Variants in ADGRB1 observed in about 807,000 individuals in gnomAD.
ADGRB1 encodes the protein adhesion G protein-coupled receptor B1, also known as brain-specific angiogenesis inhibitor 1.
Under a neutral mutation model 175.7 loss-of-function variants are expected in ADGRB1, and 36 were observed. The observed-to-expected ratio is 0.20, with a 90% CI of 0.16 to 0.27. The LOEUF (loss-of-function observed/expected upper bound fraction) is 0.27. Ranked by LOEUF, ADGRB1 falls within the 10% of genes least tolerant of loss-of-function variation. The pLI is 1.00. For synonymous variants in ADGRB1, 1,054 were observed against 979.4 expected, an observed-to-expected ratio of 1.08 and a Z score of -1.42; for missense variants, 1,731 against 2,255.3, an observed-to-expected ratio of 0.77 and a Z score of 4.71.
At chr8:142,471,576 G>A (rs1412782248) in intron 2 of ADGRB1, among the ~76,000 whole-genome samples, 1 of 152,256 alleles carries the variant, frequency 6.6e-6, no homozygotes, top group Non-Finnish European at 1.5e-5. Context: ...CCTCCTGAGA[G>A]TTAGAGACGG....
intron 1 of ADGRB1, among the ~76,000 whole-genome samples, chr8:142,463,645 C>T (rs1362926086): frequency 6.6e-6 from 1 of 152,244 alleles, no homozygotes; most frequent in Non-Finnish European, 1.5e-5. Flanking sequence ...CCAGGGCCCC[C>T]GGGAGCCACG....
At chr8:142,488,293 G>T in intron 13 of ADGRB1, 71 bp from the exon 14 acceptor site, 1 of 1,578,246 alleles carries the variant, frequency 6.3e-7, no homozygotes, top group Non-Finnish European at 8.6e-7. Context: ...CTCAACTCCC[G>T]CAGCTGAGGC....
chr8:142,460,329 C>T (rs779873013), intron 1 of ADGRB1, among the ~76,000 whole-genome samples: 12 of 152,344 alleles, frequency 7.9e-5, no homozygotes, highest in Non-Finnish European at 1.5e-4. Flanking sequence ...GCCAAGACAA[C>T]GGCCTGGGCT....
chr8:142,528,426 T>A lies in ADGRB1; in HGVS notation c.3398+1799T>A, dbSNP rs78457292. On this transcript the variant is annotated intron_variant, in intron 24 of 30. Transcript: ENST00000517894. ...GGCTGAGAGCCCCCAGGACCGTCCC[T>A]GTTGGGGCCCAGGCTGGACTCCTGA... 1.9e-3 allele frequency among the ~76,000 whole-genome samples: 286 copies of A among 152,238 alleles called. 3 individuals are homozygous for A. The highest frequency in any genetic ancestry group is 6.7e-3 in the African/African-American group (280 of 41,530).
At chr8:142,472,334 A>G (rs1412872911) in intron 2 of ADGRB1, among the ~76,000 whole-genome samples, 1 of 152,166 alleles carries the variant, frequency 6.6e-6, no homozygotes, top group African/African-American at 2.4e-5. Context: ...AATTGGCTCT[A>G]TTCATCCCCT....
chr8:142,481,210 G>A (rs371924386), intron 9 of ADGRB1, 44 bp from the exon 10 acceptor site: 134 of 1,577,512 alleles, frequency 8.5e-5, no homozygotes, highest in African/African-American at 6.5e-4. Context: ...GGATTCCTGG[G>A]CCAGGCAGCG....
chr8:142,520,684 TG>T, intron 19 of ADGRB1, 138 bp from the exon 20 acceptor site: 1 of 648,100 alleles, frequency 1.5e-6, no homozygotes, highest in Non-Finnish European at 2.8e-6. Context: ...GCGGTGATGA[TG>T]GTCATGGTGG....
chr8:142,469,363 G>A lies in ADGRB1; in HGVS notation c.784+4381G>A, dbSNP rs368302424. ...TGAATGTGGGAGTGTCTATGTGCAC[G>A]TGCATGTGTGTGAATGTGGGAGTGT... On this transcript the variant is annotated intron_variant, in intron 2 of 30. Transcript: ENST00000517894. Among the ~76,000 whole-genome samples, 79 of 151,790 alleles carry A rather than the reference G, an allele frequency of 5.2e-4. No individual in the cohort carries two copies. The East Asian group carries it at 0.015, about 28-fold the overall frequency.
intron 1 of ADGRB1, 92 bp from the exon 2 acceptor site, chr8:142,463,888 C>T (rs1315142841): frequency 3.7e-6 from 1 of 268,002 alleles, no homozygotes; most frequent in Non-Finnish European, 7.0e-6. Context: ...TGGTAGCAGG[C>T]TAAGCTGCCT....
At chr8:142,462,725 C>T (rs758653766) in intron 1 of ADGRB1, among the ~76,000 whole-genome samples, 4 of 152,240 alleles carry the variant, frequency 2.6e-5, no homozygotes, top group South Asian at 2.1e-4. Flanking sequence ...ACCAGGAGGC[C>T]GGGTGGCCTG....
chr8:142,541,680 T>A (rs1845280095), intron 27 of ADGRB1, among the ~76,000 whole-genome samples: 1 of 152,156 alleles, frequency 6.6e-6, no homozygotes, highest in Non-Finnish European at 1.5e-5. Context: ...CAGCCATTTG[T>A]CTTCTTGGGG....
At chr8:142,486,822 C>T (rs1167853698) in intron 13 of ADGRB1, among the ~76,000 whole-genome samples, 3 of 151,692 alleles carry the variant, frequency 2.0e-5, no homozygotes, top group African/African-American at 7.3e-5. Context: ...AGTTTGAGAC[C>T]AGCCTGGGCA....
intron 17 of ADGRB1, among the ~76,000 whole-genome samples, chr8:142,500,477 G>T (rs1842466350): frequency 1.3e-5 from 2 of 150,484 alleles, no homozygotes; most frequent in African/African-American, 4.9e-5. Context: ...CCTCGTGGGG[G>T]CGAGGGCATG....
chr8:142,468,775 T>G (rs925420894), intron 2 of ADGRB1, among the ~76,000 whole-genome samples: 5 of 152,218 alleles, frequency 3.3e-5, no homozygotes, highest in African/African-American at 1.2e-4. Flanking sequence ...GCAGCAGCTC[T>G]GGGCCCACTC....
At chr8:142,516,329 A>ATG (rs1587389918) in intron 18 of ADGRB1, among the ~76,000 whole-genome samples, 1 of 53,122 alleles carries the variant, frequency 1.9e-5, no homozygotes, top group African/African-American at 8.5e-5. Context: ...CCCCAGGTGC[A>ATG]TGCGTGTGTG....
intron 2 of ADGRB1, among the ~76,000 whole-genome samples, chr8:142,468,789 G>A (rs972694085): frequency 1.6e-4 from 25 of 152,186 alleles, no homozygotes; most frequent in Admixed American, 7.9e-4. Flanking sequence ...CCCACTCTCT[G>A]ACCCTTTATC....
chr8:142,465,093 G>A (rs1840195121), intron 2 of ADGRB1, 111 bp downstream of exon 2: 4 of 1,102,342 alleles, frequency 3.6e-6, no homozygotes, highest in Admixed American at 3.3e-5. Flanking sequence ...GGAGGTGGGC[G>A]GGCAGGCGGA....
chr8:142,481,227 C>T (rs1246229480), intron 9 of ADGRB1, 27 bp from the exon 10 acceptor site: 3 of 1,605,132 alleles, frequency 1.9e-6, no homozygotes, highest in Admixed American at 3.3e-5. Flanking sequence ...AGCGGGCATC[C>T]ACCTGAGAAG....
intron 1 of ADGRB1, among the ~76,000 whole-genome samples, chr8:142,463,434 C>T (rs1369762203): frequency 1.3e-5 from 2 of 152,240 alleles, no homozygotes; most frequent in African/African-American, 4.8e-5. Flanking sequence ...AGACGGGAGG[C>T]TGGGGAATGG....
Sources: gnomAD v4.1 joint callset for allele counts (sites outside exome capture counted in the v4.1 genomes callset) on GRCh38, gnomAD v4.1.1 for gene constraint, MANE v1.5 for transcripts, NCBI Gene and HGNC (gene_info 2026-07-23, HGNC 2026-07-21) for gene names.